LRRFIP1: variants seen among roughly 807,000 people sequenced by gnomAD.
The protein encoded by LRRFIP1 is LRR binding FLII interacting protein 1.
LRRFIP1 carries 62 observed loss-of-function variants against 104.4 expected under a neutral mutation model. That is an observed-to-expected ratio of 0.59 (90% CI 0.48 to 0.73). LRRFIP1 has a LOEUF of 0.73. LRRFIP1 is among the 30% of genes least tolerant of loss of function. The pLI, the probability that LRRFIP1 is intolerant of heterozygous loss-of-function variation, is 0.00. For missense variants in LRRFIP1, 796 were observed against 824.5 expected (o/e 0.97, Z 0.42); for synonymous variants, 300 against 299.0 (o/e 1.00, Z -0.03).
At chr2:237,627,854 C>A in intron 1 of LRRFIP1, 114 bp downstream of exon 1, 1 of 683,754 alleles carries the variant, frequency 1.5e-6, no homozygotes, top group Non-Finnish European at 2.0e-6. Flanking sequence ...CACTGCGCGT[C>A]CGGCTCCAGG....
chr2:237,652,876 T>TGGG (rs2086165238), intron 1 of LRRFIP1, among the ~76,000 whole-genome samples: 2 of 152,162 alleles, frequency 1.3e-5, no homozygotes, highest in Non-Finnish European at 2.9e-5. Flanking sequence ...CCCACCCAAA[T>TGGG]CTCATGTTGA....
chr2:237,652,720 T>G (rs535928140), intron 1 of LRRFIP1, among the ~76,000 whole-genome samples: 1 of 152,310 alleles, frequency 6.6e-6, no homozygotes, highest in East Asian at 1.9e-4. Flanking sequence ...GCACAGTGGC[T>G]CACACCTGTA....
chr2:237,694,952 A>C (rs1325661826), intron 1 of LRRFIP1, among the ~76,000 whole-genome samples: 1 of 152,222 alleles, frequency 6.6e-6, no homozygotes, highest in Non-Finnish European at 1.5e-5. Context: ...GTGGACACAC[A>C]GTCTCCCAAG....
chr2:237,739,112 C>G, intron 10 of LRRFIP1, 120 bp from the exon 11 acceptor site: 1 of 760,210 alleles, frequency 1.3e-6, no homozygotes, highest in Non-Finnish European at 2.2e-6. Context: ...CCTTGCCGTG[C>G]GTGGCTAACC....
chr2:237,652,288 T>C (rs1317211129), intron 1 of LRRFIP1, among the ~76,000 whole-genome samples: 1 of 152,172 alleles, frequency 6.6e-6, no homozygotes, highest in Non-Finnish European at 1.5e-5. Context: ...GCTGGAGATA[T>C]AAATTTGGGA....
chr2:237,645,116 G>A (rs185264455), intron 1 of LRRFIP1, among the ~76,000 whole-genome samples: 1 of 152,346 alleles, frequency 6.6e-6, no homozygotes, highest in East Asian at 1.9e-4. Flanking sequence ...GGCAGGAGGA[G>A]GATCAAAGAA....
chr2:237,643,054 TAA>T (rs1175225741), intron 1 of LRRFIP1, among the ~76,000 whole-genome samples: 1 of 152,220 alleles, frequency 6.6e-6, no homozygotes, highest in Non-Finnish European at 1.5e-5. Context: ...ACATAAAGCC[TAA>T]AGGGCTTTGC....
chr2:237,737,140 C>T (rs1049032509), intron 10 of LRRFIP1, among the ~76,000 whole-genome samples: 1 of 152,218 alleles, frequency 6.6e-6, no homozygotes, highest in African/African-American at 2.4e-5. Context: ...CGCGCAGCTC[C>T]TGAGTGTGAA....
At chr2:237,710,763 C>T (rs1218092486) in intron 2 of LRRFIP1, among the ~76,000 whole-genome samples, 1 of 152,168 alleles carries the variant, frequency 6.6e-6, no homozygotes, top group Non-Finnish European at 1.5e-5. Context: ...GAATGGCCCC[C>T]TTTAAAAGCA....
intron 3 of LRRFIP1, among the ~76,000 whole-genome samples, chr2:237,715,532 A>C (rs1298122213): frequency 6.6e-6 from 1 of 152,192 alleles, no homozygotes; most frequent in East Asian, 1.9e-4. Flanking sequence ...CTTTGTCAGA[A>C]TGTGAATTTG....
In LRRFIP1 at chr2:237,753,367, T is replaced by C; in HGVS notation, c.926T>C (p.Leu309Pro). The C allele has an allele frequency of 6.2e-7, 1 of 1,607,808 alleles. No individual in the cohort carries two copies. Among genetic ancestry groups the C allele is most frequent in the Non-Finnish European group, 8.5e-7 (1 of 1,178,656 alleles). The change falls in exon 15 of 24, where the codon CTA (leucine) becomes CCA (proline). Residue 309 changes from leucine (L) to proline (P), a missense_variant. By Grantham distance (98) the Leu-to-Pro change is moderately conservative (BLOSUM62 -3). Transcript: ENST00000308482. ...YKKAMVSNAQ[L>P]DNEKTNFMYQ... ...AAGGCTATGGTTTCCAATGCTCAGCTAGACAATGAAAAGACAAACTTCATG... is the reference window on the plus strand; with the variant it reads ...AAGGCTATGGTTTCCAATGCTCAGCCAGACAATGAAAAGACAAACTTCATG...
At chr2:237,733,399 A>G (rs2095101265) in intron 8 of LRRFIP1, among the ~76,000 whole-genome samples, 1 of 152,126 alleles carries the variant, frequency 6.6e-6, no homozygotes, top group Non-Finnish European at 1.5e-5. Context: ...AATACTGCCA[A>G]GTGTGTCGTT....
At chr2:237,718,488 G>A (rs377516821) in intron 4 of LRRFIP1, among the ~76,000 whole-genome samples, 1 of 152,108 alleles carries the variant, frequency 6.6e-6, no homozygotes, top group Non-Finnish European at 1.5e-5. Context: ...AGGAAGCAGC[G>A]GCACCCACAT....
chr2:237,756,862 AG>A lies in LRRFIP1; in HGVS notation c.1132-591del, dbSNP rs570155882. Among the ~76,000 whole-genome samples, 1,212 of 152,316 alleles carry A rather than the reference AG, an allele frequency of 8.0e-3. 12 individuals are homozygous for A. Among genetic ancestry groups the A allele is most frequent in the African/African-American group, 0.028 (1,168 of 41,558 alleles). ...AGTTGTGATGAGAGACCTTGAGAGAAGGGATTATCCTGGATTATTTGATGGA... is the reference window on the plus strand; with the variant it reads ...AGTTGTGATGAGAGACCTTGAGAGAAGGATTATCCTGGATTATTTGATGGA... On this transcript the variant is annotated intron_variant, in intron 16 of 23. Transcript: ENST00000308482.
At position 237,627,641 on chromosome 2, in the gene LRRFIP1, G is replaced by A; in HGVS notation, c.-4G>A. 7.5e-7 allele frequency: 1 copy of A among 1,324,922 alleles called. No individual in the cohort carries two copies. The highest frequency in any genetic ancestry group is 9.8e-7 in the Non-Finnish European group (1 of 1,024,668). The allele number at this position is 1,324,922 out of a possible 1,614,324, so 82.1% of individuals were successfully genotyped here. ...CCCCGCGGCAGCTGCGGGCGACGCGGTCGATGGACATGGGCACCCAGGGAT... is the reference window on the plus strand; with the variant it reads ...CCCCGCGGCAGCTGCGGGCGACGCGATCGATGGACATGGGCACCCAGGGAT... On this transcript the variant is annotated 5_prime_UTR_variant, in exon 1 of 24. Coordinates refer to ENST00000308482, the MANE Select transcript of LRRFIP1 (RefSeq NM_001137550.2).
chr2:237,689,270 T>A (rs1193940812), intron 1 of LRRFIP1, among the ~76,000 whole-genome samples: 1 of 152,176 alleles, frequency 6.6e-6, no homozygotes, highest in Admixed American at 6.5e-5. Flanking sequence ...GGCTCTGGGA[T>A]CTAAAAACAC....
rs1343017735 is a variant in LRRFIP1, at chr2:237,711,483, G to A, written c.184-2776G>A. On this transcript the variant is annotated intron_variant, in intron 2 of 23. Coordinates refer to ENST00000308482, the MANE Select transcript of LRRFIP1 (RefSeq NM_001137550.2). This position sits in a 1 kb window ranked among gnomAD's most constrained non-coding sequence, Gnocchi z 4.4. ...GGAGGAGGGGGTGGTGTCCCTTGCA[G>A]GCAGCACCTTTGGCCAACGTCACCT... Among the ~76,000 whole-genome samples the A allele has an allele frequency of 6.6e-6, 1 of 152,238 alleles. No individual in the cohort carries two copies.
At position 237,772,179 on chromosome 2, in the gene LRRFIP1, G is replaced by A. The variant is rs1435870053; in HGVS notation, c.1608G>A (p.Met536Ile). ...ATGTCTTGGAAAACGGGACAGACATGCATGTAATGGACCTACAAAGTAAAT... is the reference window on the plus strand; with the variant it reads ...ATGTCTTGGAAAACGGGACAGACATACATGTAATGGACCTACAAAGTAAAT... Reference protein sequence around the residue: ...EDDVLENGTDMHVMDLQRDAN... With the variant: ...EDDVLENGTDIHVMDLQRDAN... Residue 536 changes from methionine (M) to isoleucine (I), a missense_variant, in exon 21 of 24, where the codon ATG becomes ATA. By Grantham distance (10) the Met-to-Ile change is conservative. Transcript: ENST00000308482. 1 of 1,612,920 alleles carries A rather than the reference G, an allele frequency of 6.2e-7. No individual in the cohort carries two copies. Among genetic ancestry groups the A allele is most frequent in the Non-Finnish European group, 8.5e-7 (1 of 1,178,996 alleles).
chr2:237,747,569 A>C (rs3754713), intron 11 of LRRFIP1, among the ~76,000 whole-genome samples: 50,635 of 152,078 alleles, frequency 0.33, 9,506 homozygotes, highest in East Asian at 0.56. Context: ...AAGCTTCATT[A>C]TGAATTATCT....
Sources: gnomAD v4.1 joint callset for allele counts (sites outside exome capture counted in the v4.1 genomes callset) on GRCh38, gnomAD v4.1.1 for gene constraint, Gnocchi (gnomAD v3.1) non-coding constraint, MANE v1.5 for transcripts, NCBI Gene and HGNC (gene_info 2026-07-23, HGNC 2026-07-21) for gene names.